FARS2: variants seen among roughly 807,000 people sequenced by gnomAD.
The protein encoded by FARS2 is phenylalanine--tRNA ligase, mitochondrial.
FARS2 carries 40 observed loss-of-function variants against 46.4 expected under a neutral mutation model. The observed-to-expected ratio is 0.86, with a 90% CI of 0.67 to 1.12. FARS2 has a LOEUF of 1.12. Among genes scored for constraint, FARS2 ranks in the 50% most tolerant of loss-of-function variants. The pLI is 0.00. For missense variants in FARS2, 513 were observed against 567.9 expected (o/e 0.90, Z 0.98); for synonymous variants, 234 against 214.9 (o/e 1.09, Z -0.78).
chr6:5,576,673 C>A (rs944576512), intron 5 of FARS2, among the ~76,000 whole-genome samples: 2 of 148,640 alleles, frequency 1.3e-5, no homozygotes, highest in African/African-American at 4.9e-5. Flanking sequence ...CTCTAGAGAA[C>A]CCTAATACAG....
At chr6:5,330,518 C>CT (rs1770727725) in intron 1 of FARS2, among the ~76,000 whole-genome samples, 1 of 152,052 alleles carries the variant, frequency 6.6e-6, no homozygotes, top group South Asian at 2.1e-4. Flanking sequence ...ATGATATAGG[C>CT]TAGGAGAATA....
At chr6:5,532,997 C>T (rs1769959902) in intron 4 of FARS2, among the ~76,000 whole-genome samples, 1 of 151,810 alleles carries the variant, frequency 6.6e-6, no homozygotes, top group African/African-American at 2.4e-5. Flanking sequence ...TCTCTTGTAA[C>T]AAAACAACCT....
At chr6:5,706,148 T>C (rs1268007262) in intron 6 of FARS2, among the ~76,000 whole-genome samples, 1 of 152,134 alleles carries the variant, frequency 6.6e-6, no homozygotes, top group Non-Finnish European at 1.5e-5. Flanking sequence ...GCTAGATCCC[T>C]CGCCTGCGCA....
chr6:5,413,691 A>G lies in FARS2; in HGVS notation c.772+8990A>G, dbSNP rs1325696287. Among the ~76,000 whole-genome samples the G allele has an allele frequency of 5.3e-5, 8 of 152,192 alleles. No homozygotes were observed. The East Asian group carries it at 1.5e-3, about 29-fold the overall frequency. On this transcript the variant is annotated intron_variant, in intron 3 of 6. Transcript: ENST00000274680. ...TGACTTGCACTGGACACTTGATGAA[A>G]ACCTAGCCTTGAATATGTGCCCAAA...
At chr6:5,705,440 A>G (rs1283643197) in intron 6 of FARS2, among the ~76,000 whole-genome samples, 1 of 152,162 alleles carries the variant, frequency 6.6e-6, no homozygotes, top group African/African-American at 2.4e-5. Flanking sequence ...ATGGCGCTTC[A>G]CACAGGTGGG....
intron 4 of FARS2, among the ~76,000 whole-genome samples, chr6:5,544,337 A>G (rs1024346579): frequency 2.0e-5 from 3 of 152,310 alleles, no homozygotes; most frequent in South Asian, 2.1e-4. Context: ...TACACAAGGC[A>G]TGTGCATGCG....
At chr6:5,342,667 G>T (rs1285855299) in intron 1 of FARS2, among the ~76,000 whole-genome samples, 7 of 151,882 alleles carry the variant, frequency 4.6e-5, no homozygotes, top group Admixed American at 2.0e-4. Flanking sequence ...CGGGAGAATT[G>T]CTTGAACCTG....
At chr6:5,274,280 A>C (rs1009342009) in intron 1 of FARS2, among the ~76,000 whole-genome samples, 1 of 152,324 alleles carries the variant, frequency 6.6e-6, no homozygotes, top group East Asian at 1.9e-4. Flanking sequence ...CCATGTGCCT[A>C]GTTCCTGGAA....
At chr6:5,260,602 C>CGGCCCCG, upstream of FARS2, 1 of 1,203,600 alleles carries the variant, frequency 8.3e-7, no homozygotes. Context: ...CCCCGGTCCC[C>CGGCCCCG]GGCCCCTGGC....
intron 4 of FARS2, among the ~76,000 whole-genome samples, chr6:5,506,062 A>G (rs1324832116): frequency 6.6e-6 from 1 of 152,158 alleles, no homozygotes; most frequent in African/African-American, 2.4e-5. Flanking sequence ...CATCTGCATC[A>G]AGAGGACCTG....
At chr6:5,328,303 T>G (rs1402840342) in intron 1 of FARS2, among the ~76,000 whole-genome samples, 1 of 152,192 alleles carries the variant, frequency 6.6e-6, no homozygotes. Context: ...GTTGAGAATG[T>G]TGGTCTAGGG....
At chr6:5,701,299 G>A (rs1474154935) in intron 6 of FARS2, among the ~76,000 whole-genome samples, 1 of 152,286 alleles carries the variant, frequency 6.6e-6, no homozygotes, top group Non-Finnish European at 1.5e-5. Context: ...AAAAGCCGGT[G>A]TTAGTGGTGT....
At chr6:5,767,084 C>T (rs1013293621) in intron 6 of FARS2, among the ~76,000 whole-genome samples, 4 of 151,938 alleles carry the variant, frequency 2.6e-5, no homozygotes, top group Middle Eastern at 3.4e-3. Context: ...CAGACTGAGT[C>T]TCACTCTATT....
intron 6 of FARS2, among the ~76,000 whole-genome samples, chr6:5,721,111 T>C (rs1759875579): frequency 6.6e-6 from 1 of 152,220 alleles, no homozygotes; most frequent in Non-Finnish European, 1.5e-5. Context: ...TTTTATTATT[T>C]AAACATATCA....
At chr6:5,758,896 A>G (rs961565618) in intron 6 of FARS2, among the ~76,000 whole-genome samples, 2 of 152,148 alleles carry the variant, frequency 1.3e-5, no homozygotes, top group African/African-American at 4.8e-5. Flanking sequence ...CAGCTAGAGC[A>G]GCTTTGCTTT....
intron 4 of FARS2, among the ~76,000 whole-genome samples, chr6:5,446,876 C>T (rs961895468): frequency 6.6e-6 from 1 of 152,138 alleles, no homozygotes; most frequent in Non-Finnish European, 1.5e-5. Flanking sequence ...GTTGGCTACT[C>T]ATCTGCTGGT....
At chr6:5,398,412 C>T (rs1761034497) in intron 2 of FARS2, among the ~76,000 whole-genome samples, 1 of 151,948 alleles carries the variant, frequency 6.6e-6, no homozygotes, top group African/African-American at 2.4e-5. Flanking sequence ...TATTTTATTG[C>T]TGAAATTTAC....
intron 5 of FARS2, among the ~76,000 whole-genome samples, chr6:5,604,770 AT>A (rs113132643): frequency 0.28 from 42,760 of 151,970 alleles, 6,821 homozygotes; most frequent in African/African-American, 0.43. Flanking sequence ...GTAAAGTATG[AT>A]TTTTTGTATT....
At chr6:5,633,447 T>C (rs1486232645) in intron 6 of FARS2, among the ~76,000 whole-genome samples, 4 of 151,966 alleles carry the variant, frequency 2.6e-5, no homozygotes, top group Admixed American at 6.6e-5. Flanking sequence ...AGCTAATTTT[T>C]GTATTTTTAG....
Sources: allele counts gnomAD v4.1 joint callset (sites outside exome capture counted in the v4.1 genomes callset), GRCh38; gene constraint gnomAD v4.1.1; transcripts MANE v1.5; gene names NCBI Gene and HGNC (gene_info 2026-07-23, HGNC 2026-07-21).